CDH13: variants seen among roughly 807,000 people sequenced by gnomAD.
The protein encoded by CDH13 is cadherin 13.
CDH13 carries 24 observed loss-of-function variants against 63.8 expected under a neutral mutation model. The ratio of observed to expected loss-of-function variants is 0.38; its 90% CI spans 0.27 to 0.53. CDH13 has a LOEUF of 0.53. Among genes scored for constraint, CDH13 ranks in the 20% least tolerant of loss-of-function variants. The pLI is 0.85. For missense variants in CDH13, 1,049 were observed against 903.1 expected (o/e 1.16, Z -2.07); for synonymous variants, 503 against 355.3 (o/e 1.42, Z -4.67).
intron 6 of CDH13, among the ~76,000 whole-genome samples, chr16:83,450,742 C>T (rs549379019): frequency 2.6e-5 from 4 of 152,154 alleles, no homozygotes; most frequent in South Asian, 2.1e-4. Flanking sequence ...TGGTGGAGGG[C>T]GCCTGTAGTC....
intron 2 of CDH13, among the ~76,000 whole-genome samples, chr16:82,928,270 G>T (rs984511853): frequency 6.6e-6 from 1 of 152,028 alleles, no homozygotes; most frequent in African/African-American, 2.4e-5. Context: ...CATTTGACCA[G>T]TCCTGTAATT....
chr16:82,794,183 C>CTT (rs113788844), intron 1 of CDH13, among the ~76,000 whole-genome samples: 48 of 143,188 alleles, frequency 3.4e-4, no homozygotes, highest in African/African-American at 1.1e-3. Flanking sequence ...CTTTTCTTTT[C>CTT]TTTTTTTTTT....
intron 6 of CDH13, among the ~76,000 whole-genome samples, chr16:83,483,745 C>T (rs2073826079): frequency 6.6e-6 from 1 of 152,162 alleles, no homozygotes; most frequent in Admixed American, 6.5e-5. Flanking sequence ...GATCGCAGGC[C>T]TGAAATCTGC....
intron 4 of CDH13, among the ~76,000 whole-genome samples, chr16:83,142,824 C>T (rs900688745): frequency 2.0e-5 from 3 of 152,200 alleles, no homozygotes; most frequent in Admixed American, 6.5e-5. Context: ...GTAAAGGGGC[C>T]GGGCGCAGTG....
chr16:82,787,282 C>G (rs1282537347), intron 1 of CDH13, among the ~76,000 whole-genome samples: 1 of 152,174 alleles, frequency 6.6e-6, no homozygotes, highest in Non-Finnish European at 1.5e-5. Context: ...GGCCAATCTA[C>G]TGGTTTGTAT....
chr16:82,729,064 T>C lies in CDH13; in HGVS notation c.45+101927T>C, dbSNP rs375451517. Among the ~76,000 whole-genome samples the C allele has an allele frequency of 2.6e-5, 4 of 152,312 alleles. No homozygotes were observed. The East Asian group carries it at 7.7e-4, about 29-fold the overall frequency. ...TCACATCTTCAGGCTCTATTTCTAA[T>C]TATAGTTGTCTTTCAGTTTCCACCA... On this transcript the variant is annotated intron_variant, in intron 1 of 13. Transcript: ENST00000567109.
chr16:82,967,266 C>T (rs747267056), intron 2 of CDH13, among the ~76,000 whole-genome samples: 16 of 152,150 alleles, frequency 1.1e-4, no homozygotes, highest in Non-Finnish European at 1.2e-4. Context: ...TCTACCTCCA[C>T]ATTTTAGGTG....
chr16:83,378,511 A>G (rs891539901), intron 6 of CDH13, among the ~76,000 whole-genome samples: 5 of 152,186 alleles, frequency 3.3e-5, no homozygotes, highest in African/African-American at 1.2e-4. Flanking sequence ...GGTCCCCTTC[A>G]GTTGGATTGG....
intron 2 of CDH13, among the ~76,000 whole-genome samples, chr16:82,964,453 C>A (rs1054106703): frequency 1.4e-4 from 22 of 152,188 alleles, no homozygotes; most frequent in African/African-American, 5.3e-4. Flanking sequence ...CCCATTAAAC[C>A]TCCAGGGAGA....
chr16:83,514,030 A>G (rs1032879480), intron 7 of CDH13, among the ~76,000 whole-genome samples: 2 of 152,188 alleles, frequency 1.3e-5, no homozygotes, highest in Non-Finnish European at 2.9e-5. Flanking sequence ...TGAAAGTAAA[A>G]TGAAACTATC....
At chr16:82,754,405 C>G (rs564659197) in intron 1 of CDH13, among the ~76,000 whole-genome samples, 2 of 152,106 alleles carry the variant, frequency 1.3e-5, no homozygotes, top group African/African-American at 4.8e-5. Context: ...ATTTTAGGGC[C>G]TGAACTTTAG....
intron 7 of CDH13, among the ~76,000 whole-genome samples, chr16:83,511,979 GTC>G: frequency 6.6e-6 from 1 of 152,208 alleles, no homozygotes; most frequent in East Asian, 1.9e-4. Flanking sequence ...CACATGGTTA[GTC>G]CTCAGTAAGT....
intron 2 of CDH13, among the ~76,000 whole-genome samples, chr16:82,868,700 C>G (rs1737401528): frequency 6.6e-6 from 1 of 152,208 alleles, no homozygotes; most frequent in Non-Finnish European, 1.5e-5. Flanking sequence ...CTAAATTTGC[C>G]TCACAGATAC....
intron 2 of CDH13, chr16:83,023,129 A>T (rs1915494365): frequency 6.6e-6 from 1 of 152,222 alleles, no homozygotes; most frequent in Admixed American, 6.5e-5. Context: ...TCACATGTCA[A>T]ACTTGCCATT....
rs115209494 is a variant in CDH13 at position 83,518,767 on chromosome 16, G to A, written c.960+32112G>A. On this transcript the variant is annotated intron_variant, in intron 7 of 13. Transcript: ENST00000567109. ...ATTACAGGTTTGAGCCACCGAGCCCGGCCGATGTGATGGTTTTATAAAGGG... is the reference window on the plus strand; with the variant it reads ...ATTACAGGTTTGAGCCACCGAGCCCAGCCGATGTGATGGTTTTATAAAGGG... 1.2e-3 allele frequency among the ~76,000 whole-genome samples: 185 copies of A among 152,178 alleles called. 1 individual carries two copies. The highest frequency in any genetic ancestry group is 4.1e-3 in the African/African-American group (172 of 41,518).
At chr16:83,120,194 C>G (rs1232437367) in intron 3 of CDH13, among the ~76,000 whole-genome samples, 1 of 152,132 alleles carries the variant, frequency 6.6e-6, no homozygotes, top group Non-Finnish European at 1.5e-5. Context: ...TTCTTGGGCA[C>G]TTTAGATCCA....
chr16:83,481,251 A>G (rs1022602316), intron 6 of CDH13, among the ~76,000 whole-genome samples: 2 of 152,206 alleles, frequency 1.3e-5, no homozygotes, highest in African/African-American at 4.8e-5. Flanking sequence ...ATGTCTCAAT[A>G]CGTGATTCGC....
intron 1 of CDH13, chr16:82,826,208 G>T (rs1035339387): frequency 6.6e-6 from 1 of 152,166 alleles, no homozygotes; most frequent in African/African-American, 2.4e-5. Context: ...CTCTGATTCT[G>T]AAGTACTTTG....
intron 8 of CDH13, among the ~76,000 whole-genome samples, chr16:83,621,180 C>T (rs1158088754): frequency 6.6e-6 from 1 of 152,136 alleles, no homozygotes; most frequent in Non-Finnish European, 1.5e-5. Flanking sequence ...GCTTCTGTCC[C>T]GTGAAAGGAT....
Sources: allele counts gnomAD v4.1 joint callset (sites outside exome capture counted in the v4.1 genomes callset), GRCh38; gene constraint gnomAD v4.1.1; transcripts MANE v1.5; gene names NCBI Gene and HGNC (gene_info 2026-07-23, HGNC 2026-07-21).